BMP7: variants seen among roughly 807,000 people sequenced by gnomAD.
BMP7 encodes bone morphogenetic protein 7.
In BMP7, 12 loss-of-function variants were observed where a neutral mutation model predicts 41.2. The ratio of observed to expected loss-of-function variants is 0.29; its 90% confidence interval spans 0.19 to 0.47. BMP7 has a LOEUF of 0.47. Among genes scored for constraint, BMP7 ranks in the 20% least tolerant of loss-of-function variants. The pLI is 0.99. For missense variants in BMP7, 467 were observed against 606.0 expected (o/e 0.77, Z 2.41); for synonymous variants, 248 against 250.0 (o/e 0.99, Z 0.07).
chr20:57,170,829 A>G lies in BMP7; in HGVS notation c.*130T>C. The G allele has an allele frequency of 8.3e-7, 1 of 1,198,148 alleles. No homozygotes were observed. Among genetic ancestry groups the G allele is most frequent in the Non-Finnish European group, 1.2e-6 (1 of 838,814 alleles). 74.2% of individuals were successfully genotyped at this position (1,198,148 alleles called of 1,614,324 possible). A position where few individuals can be genotyped will look rare whatever the true frequency, so the allele number is the denominator to read the frequency against. On this transcript the variant is annotated 3_prime_UTR_variant, in exon 7 of 7. Transcript: ENST00000395863. ...GCTGCTCATGTTTCCTAATACTCTC[A>G]CACCTTTAAAGTTGGGGATAGGGAG... is the stretch of plus-strand genomic sequence containing the variant.
intron 2 of BMP7, among the ~76,000 whole-genome samples, chr20:57,217,062 G>T (rs1462164381): frequency 1.3e-5 from 2 of 152,184 alleles, no homozygotes; most frequent in Admixed American, 1.3e-4. Flanking sequence ...CAAGGGGAAA[G>T]GGATGGAGGC....
chr20:57,238,668 C>G (rs903746191), intron 1 of BMP7, among the ~76,000 whole-genome samples: 4 of 151,714 alleles, frequency 2.6e-5, no homozygotes, highest in African/African-American at 9.7e-5. Flanking sequence ...AGTCTGTTTT[C>G]ATGCTGCTGA....
At chr20:57,187,455 A>T (rs1984239108) in intron 3 of BMP7, among the ~76,000 whole-genome samples, 1 of 152,132 alleles carries the variant, frequency 6.6e-6, no homozygotes, top group African/African-American at 2.4e-5. Context: ...TAGTTCAGGG[A>T]TGAGCACATG....
intron 2 of BMP7, among the ~76,000 whole-genome samples, chr20:57,210,762 G>A (rs1423774274): frequency 4.6e-5 from 7 of 152,202 alleles, no homozygotes; most frequent in Non-Finnish European, 8.8e-5. Flanking sequence ...GCCCACCATC[G>A]GGGCTCCTTC....
chr20:57,208,867 T>A (rs937041408), intron 2 of BMP7, among the ~76,000 whole-genome samples: 3 of 152,154 alleles, frequency 2.0e-5, no homozygotes, highest in Non-Finnish European at 2.9e-5. Flanking sequence ...CTATGAAATG[T>A]CCCAAATAGG....
At chr20:57,184,045 T>C (rs570443936) in intron 3 of BMP7, 126 bp from the exon 4 acceptor site, 16 of 1,120,912 alleles carry the variant, frequency 1.4e-5, no homozygotes, top group Middle Eastern at 2.1e-4. Flanking sequence ...CCAGTAAGTA[T>C]TTATTGAGTA....
chr20:57,209,196 G>A (rs1360693138), intron 2 of BMP7, among the ~76,000 whole-genome samples: 5 of 147,332 alleles, frequency 3.4e-5, no homozygotes, highest in East Asian at 4.0e-4. Context: ...TAGCAAGGGC[G>A]AAACTCTGTC....
chr20:57,176,750 T>TCACA (rs60465573), intron 4 of BMP7, among the ~76,000 whole-genome samples: 16,926 of 135,228 alleles, frequency 0.13, 1,160 homozygotes, highest in South Asian at 0.23. Context: ...CATTCTCCAT[T>TCACA]CACACACACA....
At chr20:57,230,551 C>T (rs1233879377) in intron 1 of BMP7, among the ~76,000 whole-genome samples, 4 of 151,610 alleles carry the variant, frequency 2.6e-5, no homozygotes, top group Admixed American at 6.6e-5. Context: ...GTGACCTCCC[C>T]AGGGCCAAAG....
At position 57,170,292 on chromosome 20, in the gene BMP7, T is replaced by A. The variant is rs930174202; in HGVS notation, c.*667A>T. The stretch of plus-strand genomic sequence containing the variant: ...ACACCGCCCTCCTCGGAGCAGACAT[T>A]TGCTCTTTCCCCTCCCACTAGATCT... On this transcript the variant is annotated 3_prime_UTR_variant, in exon 7 of 7. Transcript: ENST00000395863. 2 of 159,348 alleles carry A rather than the reference T, an allele frequency of 1.3e-5. No homozygotes were observed. The highest frequency in any genetic ancestry group is 4.8e-5 in the African/African-American group (2 of 41,432). The allele number at this position is 159,348 out of a possible 1,614,324, so 9.9% of individuals were successfully genotyped here.
intron 1 of BMP7, among the ~76,000 whole-genome samples, chr20:57,250,851 C>T (rs1045464399): frequency 6.6e-6 from 1 of 152,174 alleles, no homozygotes; most frequent in African/African-American, 2.4e-5. Flanking sequence ...TAACAGGATT[C>T]GTCAAAATAC....
chr20:57,234,681 T>C (rs1159681520), intron 1 of BMP7, among the ~76,000 whole-genome samples: 2 of 152,180 alleles, frequency 1.3e-5, no homozygotes, highest in Non-Finnish European at 2.9e-5. Flanking sequence ...CAGATGACCA[T>C]TCACCATGAA....
rs1018748473 is a variant in BMP7 at position 57,213,616 on chromosome 20, A to G, written c.612-10993T>C. ...GTCAAGAGGGAAGAGAAATACAGCG[A>G]CAAATGGAAGGCTCTCCCTCATTAG... is the stretch of plus-strand genomic sequence containing the variant. On this transcript the variant is annotated intron_variant, in intron 2 of 6. Transcript: ENST00000395863. The surrounding 1 kb of genome is among the most constrained non-coding windows in gnomAD (Gnocchi z 4.4). 2.6e-5 allele frequency among the ~76,000 whole-genome samples: 4 copies of G among 152,216 alleles called. No homozygotes were observed. The highest frequency in any genetic ancestry group is 9.6e-5 in the African/African-American group (4 of 41,458).
At chr20:57,186,517 T>C (rs965571081) in intron 3 of BMP7, among the ~76,000 whole-genome samples, 1 of 152,184 alleles carries the variant, frequency 6.6e-6, no homozygotes, top group Non-Finnish European at 1.5e-5. Context: ...CCTGTTTTAC[T>C]CATGACAGCA....
chr20:57,176,312 A>G (rs571425811), intron 4 of BMP7, among the ~76,000 whole-genome samples: 175 of 152,282 alleles, frequency 1.1e-3, no homozygotes, highest in Middle Eastern at 6.8e-3. Flanking sequence ...GAGCTCCTGG[A>G]TCAACCAACC....
chr20:57,262,239 G>A (rs555369058), intron 1 of BMP7, among the ~76,000 whole-genome samples: 2 of 152,352 alleles, frequency 1.3e-5, no homozygotes, highest in African/African-American at 4.8e-5. Context: ...TTATTTAAGA[G>A]AGGGTAGCTG....
At chr20:57,242,613 A>G (rs2039339274) in intron 1 of BMP7, among the ~76,000 whole-genome samples, 2 of 152,194 alleles carry the variant, frequency 1.3e-5, no homozygotes, top group Admixed American at 1.3e-4. Context: ...CTGTCTGGTA[A>G]AGCACACTGA....
intron 1 of BMP7, among the ~76,000 whole-genome samples, chr20:57,254,656 A>C (rs1285210129): frequency 6.6e-6 from 1 of 151,946 alleles, no homozygotes; most frequent in Non-Finnish European, 1.5e-5. Context: ...GTAAAAAAAA[A>C]AAAACAAAAA....
Position 57,215,194 on chromosome 20 carries a change from CACAGGCCTGGCTATGGA to C in BMP7, c.612-12588_612-12572del, listed in dbSNP as rs1984983649. Among the ~76,000 whole-genome samples, 1 of 152,196 alleles carries C rather than the reference CACAGGCCTGGCTATGGA, an allele frequency of 6.6e-6. No homozygotes were observed. On this transcript the variant is annotated intron_variant, in intron 2 of 6. Coordinates refer to ENST00000395863, the MANE Select transcript of BMP7 (RefSeq NM_001719.3). The surrounding 1 kb of genome is among the most constrained non-coding windows in gnomAD (Gnocchi z 4.2). ...TGGGCACCTCCATACCCCCCACCTT[CACAGGCCTGGCTATGGA>C]ACCAGGGGGCTGTCAAATTACCTCA... is the stretch of plus-strand genomic sequence containing the variant.
Sources: allele counts gnomAD v4.1 joint callset (sites outside exome capture counted in the v4.1 genomes callset), GRCh38; gene constraint gnomAD v4.1.1; non-coding constraint Gnocchi (gnomAD v3.1); transcripts MANE v1.5; gene names NCBI Gene and HGNC (gene_info 2026-07-23, HGNC 2026-07-21).